SOX5: variants seen among roughly 807,000 people sequenced by gnomAD.
SOX5 encodes the protein transcription factor SOX-5.
SOX5 carries 9 observed loss-of-function variants against 92.0 expected under a neutral mutation model. The ratio of observed to expected loss-of-function variants is 0.10; its 90% CI spans 0.06 to 0.17. The LOEUF (loss-of-function observed/expected upper bound fraction) is 0.17, where lower values mean the gene tolerates loss of function less well. SOX5 is among the 10% of genes least tolerant of loss of function. SOX5 has a pLI of 1.00. For synonymous variants in SOX5, 344 were observed against 336.3 expected (o/e 1.02, Z -0.25); for missense variants, 642 against 944.5 (o/e 0.68, Z 4.20).
At chr12:23,995,649 G>A (rs926060449) in intron 4 of SOX5, among the ~76,000 whole-genome samples, 1 of 152,146 alleles carries the variant, frequency 6.6e-6, no homozygotes, top group African/African-American at 2.4e-5. Context: ...AGTGAGCTAC[G>A]ATCATGCCAC....
chr12:24,085,259 T>G (rs986763783), intron 4 of SOX5, among the ~76,000 whole-genome samples: 1 of 152,078 alleles, frequency 6.6e-6, no homozygotes, highest in Admixed American at 6.6e-5. Context: ...TGGAATACCT[T>G]TGGGCCATCT....
chr12:24,051,340 A>G (rs1295554949), intron 4 of SOX5, among the ~76,000 whole-genome samples: 3 of 152,198 alleles, frequency 2.0e-5, no homozygotes, highest in Non-Finnish European at 4.4e-5. Context: ...TTACCAAGAA[A>G]CAATCGAGAT....
At chr12:23,982,712 TA>T (rs1331999241) in intron 4 of SOX5, among the ~76,000 whole-genome samples, 1 of 151,884 alleles carries the variant, frequency 6.6e-6, no homozygotes, top group Non-Finnish European at 1.5e-5. Context: ...TAGTAACATT[TA>T]AAAAAAGGAA....
intron 3 of SOX5, among the ~76,000 whole-genome samples, chr12:24,221,155 C>G (rs906186815): frequency 2.6e-5 from 4 of 152,094 alleles, no homozygotes; most frequent in African/African-American, 9.7e-5. Flanking sequence ...GTATCAATTC[C>G]CCATTTTGTT....
chr12:23,996,716 G>A (rs1951065314), intron 4 of SOX5, among the ~76,000 whole-genome samples: 1 of 152,170 alleles, frequency 6.6e-6, no homozygotes, highest in Non-Finnish European at 1.5e-5. Flanking sequence ...ATGCAAAGAT[G>A]TCCTATGAAT....
chr12:24,128,515 C>T (rs1274582121), intron 4 of SOX5, among the ~76,000 whole-genome samples: 9 of 152,228 alleles, frequency 5.9e-5, no homozygotes, highest in Admixed American at 5.2e-4. Context: ...AAAGACCTCT[C>T]GAAACTTGAT....
At position 23,845,139 on chromosome 12, in the gene SOX5, C is replaced by T. The variant is rs1438759555; in HGVS notation, c.481+844G>A. On this transcript the variant is annotated intron_variant, in intron 3 of 14. Transcript: ENST00000451604. ...GAAATGAGCCCAACTTATTGTTACA[C>T]GGTATACACGCAGTGTATTTTTGTT... is the stretch of plus-strand genomic sequence containing the variant. 2.0e-5 allele frequency among the ~76,000 whole-genome samples: 3 copies of T among 152,174 alleles called. No homozygotes were observed. The East Asian group carries it at 5.8e-4, about 29-fold the overall frequency.
chr12:24,024,124 A>C (rs1954617381), intron 4 of SOX5, among the ~76,000 whole-genome samples: 1 of 152,018 alleles, frequency 6.6e-6, no homozygotes, highest in African/African-American at 2.4e-5. Flanking sequence ...GGTTATTTTG[A>C]GGAGATTATT....
intron 2 of SOX5, among the ~76,000 whole-genome samples, chr12:24,311,439 T>A (rs1949169954): frequency 6.6e-6 from 1 of 152,164 alleles, no homozygotes; most frequent in Non-Finnish European, 1.5e-5. Context: ...AAATATATTA[T>A]TTTTTGTCCC....
chr12:23,604,187 G>A (rs895538139), intron 9 of SOX5, 200 bp downstream of exon 9: 13 of 546,488 alleles, frequency 2.4e-5, no homozygotes, highest in Middle Eastern at 5.0e-4. Context: ...ATCGATACAC[G>A]CATATTGAAT....
chr12:23,719,595 T>C (rs1451218809), intron 6 of SOX5, among the ~76,000 whole-genome samples: 2 of 151,686 alleles, frequency 1.3e-5, no homozygotes, highest in Non-Finnish European at 2.9e-5. Flanking sequence ...ACAAAACATA[T>C]ATTTTTAATT....
intron 10 of SOX5, among the ~76,000 whole-genome samples, chr12:23,570,995 T>G (rs1948271800): frequency 8.1e-6 from 1 of 123,912 alleles, no homozygotes. Flanking sequence ...TTTCATATTT[T>G]TGTATTTTTG....
Position 24,324,155 on chromosome 12 carries a change from C to A in SOX5, c.-174+44408G>T, listed in dbSNP as rs376708577. Among the ~76,000 whole-genome samples the A allele has an allele frequency of 4.4e-4, 67 of 152,006 alleles. 1 individual carries two copies. In the South Asian group the frequency reaches 0.013, roughly 31 times the overall value. On this transcript the variant is annotated intron_variant, in intron 2 of 4. Coordinates refer to the SOX5 transcript ENST00000446891. ...AAATTTTATTTCAAACGTCATTTTG[C>A]TTGAAGTTAGTTTTGAGATGTAGCA...
At chr12:23,661,954 G>A (rs1451355654) in intron 7 of SOX5, among the ~76,000 whole-genome samples, 1 of 152,146 alleles carries the variant, frequency 6.6e-6, no homozygotes, top group Non-Finnish European at 1.5e-5. Context: ...AGTCTGGTGT[G>A]TGTTTACGTA....
At chr12:24,150,271 C>CA (rs1951522306) in intron 4 of SOX5, among the ~76,000 whole-genome samples, 1 of 151,800 alleles carries the variant, frequency 6.6e-6, no homozygotes, top group Admixed American at 6.6e-5. Flanking sequence ...TTCTCAATGC[C>CA]AAAAAAATAA....
At chr12:24,444,639 T>C (rs1941185101) in intron 1 of SOX5, among the ~76,000 whole-genome samples, 1 of 152,100 alleles carries the variant, frequency 6.6e-6, no homozygotes, top group East Asian at 1.9e-4. Context: ...GCTTGGCCCC[T>C]CTCTGGGAAC....
intron 1 of SOX5, among the ~76,000 whole-genome samples, chr12:23,944,918 C>A (rs1315841563): frequency 6.6e-6 from 1 of 152,094 alleles, no homozygotes; most frequent in Non-Finnish European, 1.5e-5. Flanking sequence ...AGGTTAGTTT[C>A]TTTCCCAGGC....
At chr12:23,640,989 T>C (rs1205543213) in intron 7 of SOX5, 92 bp from the exon 8 acceptor site, 1 of 834,336 alleles carries the variant, frequency 1.2e-6, no homozygotes, top group Non-Finnish European at 1.9e-6. Flanking sequence ...AAAAGCCTTC[T>C]TTTGTGTGCC....
chr12:24,539,529 A>G (rs1951929748), intron 1 of SOX5, among the ~76,000 whole-genome samples: 1 of 152,162 alleles, frequency 6.6e-6, no homozygotes, highest in Admixed American at 6.5e-5. Flanking sequence ...TTCTTAAAAT[A>G]TAGACATTTG....
Sources: gnomAD v4.1 joint callset for allele counts (sites outside exome capture counted in the v4.1 genomes callset) on GRCh38, gnomAD v4.1.1 for gene constraint, MANE v1.5 for transcripts, NCBI Gene and HGNC (gene_info 2026-07-23, HGNC 2026-07-21) for gene names.